Variants in WDR37 observed in about 807,000 individuals in gnomAD.
WDR37 encodes the protein WD repeat domain 37, also known as WD repeat-containing protein 37.
In WDR37, 19 loss-of-function variants were observed where a neutral mutation model predicts 62.9. The observed-to-expected ratio is 0.30, with a 90% CI of 0.21 to 0.44. The LOEUF (loss-of-function observed/expected upper bound fraction) is 0.44. WDR37 is among the 20% of genes least tolerant of loss of function. The pLI is 1.00. For synonymous variants in WDR37, 250 were observed against 260.9 expected, an observed-to-expected ratio of 0.96 and a Z score of 0.40; for missense variants, 474 against 657.6, an observed-to-expected ratio of 0.72 and a Z score of 3.05.
chr10:1,092,764 G>C (rs1225961308), intron 7 of WDR37, among the ~76,000 whole-genome samples: 1 of 151,312 alleles, frequency 6.6e-6, no homozygotes, highest in Non-Finnish European at 1.5e-5. Context: ...CAGCTACTTG[G>C]GAGGCTAAGG....
intron 1 of WDR37, among the ~76,000 whole-genome samples, chr10:1,061,546 T>C (rs1040189202): frequency 2.0e-5 from 3 of 152,106 alleles, no homozygotes; most frequent in Non-Finnish European, 2.9e-5. Context: ...CAAAATAAAA[T>C]TACCTTCAGG....
chr10:1,102,701 G>A (rs1262116177), intron 9 of WDR37, among the ~76,000 whole-genome samples: 1 of 152,184 alleles, frequency 6.6e-6, no homozygotes, highest in African/African-American at 2.4e-5. Flanking sequence ...ACCCCCACCA[G>A]GCCCGGCCTC....
In WDR37 at chr10:1,105,277, G is replaced by C. The variant is rs377333387; in HGVS notation, c.1103+10G>C. 28 of 1,612,514 alleles carry C rather than the reference G, an allele frequency of 1.7e-5. 1 individual carries two copies. The Admixed American group carries it at 4.7e-4, about 27-fold the overall frequency. ...TCCAGGGACACACGGAGTGAGTTGC[G>C]GTAGTTTAGACATCTGTCCTTAGTC... On this transcript the variant is annotated intron_variant, in intron 11 of 13. Coordinates refer to ENST00000263150, the MANE Select transcript of WDR37 (RefSeq NM_014023.4). This position sits in a 1 kb window ranked among gnomAD's most constrained non-coding sequence, Gnocchi z 5.3.
intron 2 of WDR37, among the ~76,000 whole-genome samples, chr10:1,077,484 T>G (rs1183281908): frequency 1.3e-5 from 2 of 152,198 alleles, no homozygotes; most frequent in Non-Finnish European, 2.9e-5. Context: ...GCGGGAACTC[T>G]GCAAAGGTGC....
At chr10:1,089,643 GCCTTC>G (rs1834316917) in intron 7 of WDR37, among the ~76,000 whole-genome samples, 1 of 29,380 alleles carries the variant, frequency 3.4e-5, no homozygotes. Context: ...CCACAATTCA[GCCTTC>G]CCGTGCTCAC....
chr10:1,101,289 G>A (rs762405934), intron 9 of WDR37, among the ~76,000 whole-genome samples: 1 of 152,206 alleles, frequency 6.6e-6, no homozygotes, highest in Non-Finnish European at 1.5e-5. Flanking sequence ...GAGGCTGGAA[G>A]CCCGAGATGA....
chr10:1,060,733 A>G (rs1392483881), intron 1 of WDR37, among the ~76,000 whole-genome samples: 1 of 152,260 alleles, frequency 6.6e-6, no homozygotes, highest in Non-Finnish European at 1.5e-5. Flanking sequence ...CACATAACAA[A>G]TGATGTTTTG....
chr10:1,109,053 G>A (rs1476803905), intron 11 of WDR37, among the ~76,000 whole-genome samples: 1 of 152,180 alleles, frequency 6.6e-6, no homozygotes, highest in Non-Finnish European at 1.5e-5. Flanking sequence ...GTGGAGCCAG[G>A]GCTTGGTGAG....
At chr10:1,102,585 G>A (rs999828250) in intron 9 of WDR37, among the ~76,000 whole-genome samples, 1 of 152,104 alleles carries the variant, frequency 6.6e-6, no homozygotes, top group Non-Finnish European at 1.5e-5. Context: ...GGAGTAAGGC[G>A]GGGGCGGGGG....
chr10:1,082,872 A>G (rs11819230), intron 5 of WDR37, among the ~76,000 whole-genome samples: 13,379 of 152,152 alleles, frequency 0.088, 629 homozygotes, highest in African/African-American at 0.13. Context: ...TGAAGAATGT[A>G]ACTCTAGTAG....
chr10:1,124,246 G>A lies in WDR37; in HGVS notation c.1132G>A (p.Gly378Arg), dbSNP rs773537662. ...DTVTSAVFTV[G>R]DNVVSGSDDR... is the part of the protein sequence containing the mutation. ...TGTGACTTCTGCCGTGTTCACCGTG[G>A]GAGACAACGTGGTTTCAGGCAGCGA... Residue 378 changes from glycine (G) to arginine (R), a missense_variant, in exon 12 of 14, where the codon GGA becomes AGA. Transcript: ENST00000263150. 1.9e-6 allele frequency: 3 copies of A among 1,614,182 alleles called. No individual in the cohort carries two copies. Among genetic ancestry groups the A allele is most frequent in the Non-Finnish European group, 2.5e-6 (3 of 1,180,042 alleles).
chr10:1,058,693 G>T lies in WDR37; in HGVS notation c.-41+1725G>T, dbSNP rs368416295. On this transcript the variant is annotated intron_variant, in intron 1 of 13. Transcript: ENST00000263150. ...TTTCGTCAATGACAAAACATTTTAA[G>T]CAGGTTAATACTGATGACAGATTTC... 5.5e-4 allele frequency among the ~76,000 whole-genome samples: 84 copies of T among 152,290 alleles called. 1 individual carries two copies. The South Asian group carries it at 0.017, about 30-fold the overall frequency.
chr10:1,099,055 C>T (rs181216096), intron 9 of WDR37, among the ~76,000 whole-genome samples: 34 of 152,342 alleles, frequency 2.2e-4, no homozygotes, highest in African/African-American at 7.9e-4. Flanking sequence ...ATGTGGTTCA[C>T]ATTTAAACGT....
chr10:1,063,678 C>T (rs1833444480), intron 1 of WDR37, among the ~76,000 whole-genome samples: 1 of 152,138 alleles, frequency 6.6e-6, no homozygotes, highest in Non-Finnish European at 1.5e-5. Context: ...TTACTGCTGC[C>T]CTGTGGTCAT....
At chr10:1,099,548 G>T (rs913873266) in intron 9 of WDR37, among the ~76,000 whole-genome samples, 7 of 152,182 alleles carry the variant, frequency 4.6e-5, no homozygotes, top group African/African-American at 1.7e-4. Context: ...GGTTATCATA[G>T]TTCATTTTTA....
intron 5 of WDR37, among the ~76,000 whole-genome samples, chr10:1,080,979 A>G (rs181613671): frequency 1.7e-3 from 254 of 152,230 alleles, no homozygotes; most frequent in African/African-American, 5.8e-3. Flanking sequence ...AGGGATTAAT[A>G]TATGATGTAT....
chr10:1,079,462 T>C (rs1326218215), intron 3 of WDR37, among the ~76,000 whole-genome samples: 1 of 152,190 alleles, frequency 6.6e-6, no homozygotes, highest in African/African-American at 2.4e-5. Flanking sequence ...TTTGAGACCC[T>C]GATAGCAGTG....
intron 1 of WDR37, among the ~76,000 whole-genome samples, chr10:1,063,513 T>A (rs1488518784): frequency 1.3e-5 from 2 of 152,144 alleles, no homozygotes; most frequent in African/African-American, 2.4e-5. Context: ...AGATTCCCAC[T>A]CATGACAAGC....
intron 13 of WDR37, among the ~76,000 whole-genome samples, chr10:1,128,468 G>T (rs556853123): frequency 2.0e-4 from 31 of 152,340 alleles, no homozygotes; most frequent in Middle Eastern, 3.4e-3. Flanking sequence ...GCTGAAGATG[G>T]CAGGAATCTA....
Sources: gnomAD v4.1 joint callset for allele counts (sites outside exome capture counted in the v4.1 genomes callset) on GRCh38, gnomAD v4.1.1 for gene constraint, Gnocchi (gnomAD v3.1) non-coding constraint, MANE v1.5 for transcripts, NCBI Gene and HGNC (gene_info 2026-07-23, HGNC 2026-07-21) for gene names.